The following RNLS variants were observed in gnomAD, a reference collection of about 807,000 sequenced individuals.
The protein encoded by RNLS is renalase.
Under a neutral mutation model 39.8 loss-of-function variants are expected in RNLS, and 39 were observed. The ratio of observed to expected loss-of-function variants is 0.98; its 90% CI spans 0.76 to 1.28. RNLS has a LOEUF of 1.28. RNLS is among the 50% of genes most tolerant of loss of function. The probability of loss-of-function intolerance (pLI) is 0.00; values close to 1 mark genes in which losing one functional copy is unlikely to be tolerated. For missense variants in RNLS, 410 were observed against 413.3 expected, an observed-to-expected ratio of 0.99 and a Z score of 0.07; for synonymous variants, 147 against 150.7, an observed-to-expected ratio of 0.98 and a Z score of 0.18.
In RNLS at chr10:88,373,374, T is replaced by C. The variant is rs568338127; in HGVS notation, c.527-10649A>G. On this transcript the variant is annotated intron_variant, in intron 4 of 6. Coordinates refer to ENST00000331772, the MANE Select transcript of RNLS (RefSeq NM_001031709.3). ...TTCATTTTGTACTTTGCAGATCCAC[T>C]AGCTTCTTTTCTGTTTACATAATAA... Among the ~76,000 whole-genome samples, 11 of 152,226 alleles carry C rather than the reference T, an allele frequency of 7.2e-5. No individual in the cohort carries two copies. The South Asian group carries it at 2.3e-3, about 32-fold the overall frequency.
At chr10:88,431,362 T>G (rs1398122392) in intron 4 of RNLS, among the ~76,000 whole-genome samples, 1 of 151,748 alleles carries the variant, frequency 6.6e-6, no homozygotes, top group African/African-American at 2.4e-5. Context: ...TTGTGTCTCT[T>G]ATTTTCATGA....
At chr10:88,387,502 C>CAAA (rs5786817) in intron 4 of RNLS, among the ~76,000 whole-genome samples, 20 of 70,102 alleles carry the variant, frequency 2.9e-4, no homozygotes, top group East Asian at 4.1e-4. Flanking sequence ...GAGAACAGAG[C>CAAA]AAAAAAAAAA....
intron 4 of RNLS, among the ~76,000 whole-genome samples, chr10:88,449,007 G>A (rs543584566): frequency 2.0e-5 from 3 of 152,258 alleles, no homozygotes; most frequent in Non-Finnish European, 2.9e-5. Flanking sequence ...TGTGCAGTGC[G>A]GGGAGGGAGA....
chr10:88,293,124 C>T (rs1038470986), intron 6 of RNLS, among the ~76,000 whole-genome samples: 2 of 152,028 alleles, frequency 1.3e-5, no homozygotes, highest in Non-Finnish European at 2.9e-5. Flanking sequence ...TTAAATTGTT[C>T]CTGAATTCAG....
chr10:88,483,556 G>A (rs190288621), intron 4 of RNLS, among the ~76,000 whole-genome samples: 21 of 152,160 alleles, frequency 1.4e-4, no homozygotes, highest in African/African-American at 4.6e-4. Context: ...GTCATATGAT[G>A]TATGTCATAG....
At chr10:88,428,823 T>C (rs1418020950) in intron 4 of RNLS, among the ~76,000 whole-genome samples, 2 of 152,082 alleles carry the variant, frequency 1.3e-5, no homozygotes, top group East Asian at 3.9e-4. Context: ...ACTTTGGGAA[T>C]TATATTAATT....
At chr10:88,377,927 C>T (rs572012093) in intron 4 of RNLS, among the ~76,000 whole-genome samples, 4 of 151,726 alleles carry the variant, frequency 2.6e-5, no homozygotes, top group East Asian at 1.9e-4. Context: ...CATAGCTGTA[C>T]GAAAATATTT....
intron 5 of RNLS, among the ~76,000 whole-genome samples, chr10:88,329,280 TG>T (rs776974510): frequency 2.6e-5 from 4 of 152,002 alleles, no homozygotes; most frequent in Non-Finnish European, 5.9e-5. Flanking sequence ...CTTGAACTCC[TG>T]GCCTCAAACG....
At chr10:88,290,806 G>A (rs1843619356) in intron 6 of RNLS, among the ~76,000 whole-genome samples, 1 of 152,110 alleles carries the variant, frequency 6.6e-6, no homozygotes, top group Admixed American at 6.6e-5. Context: ...CTGGCAATGT[G>A]GCATTTCTTA....
At chr10:88,343,274 G>C (rs1231391269) in intron 5 of RNLS, among the ~76,000 whole-genome samples, 2 of 151,666 alleles carry the variant, frequency 1.3e-5, no homozygotes, top group Non-Finnish European at 3.0e-5. Context: ...TGACGATGAA[G>C]AGAAGTGAAT....
chr10:88,272,963 T>A (rs1296914868), downstream of RNLS, among the ~76,000 whole-genome samples: 1 of 152,130 alleles, frequency 6.6e-6, no homozygotes, highest in Non-Finnish European at 1.5e-5. Context: ...TAGATAGGGT[T>A]CATGGCCCAG....
chr10:88,403,350 A>T (rs891087074), intron 4 of RNLS, among the ~76,000 whole-genome samples: 4 of 152,086 alleles, frequency 2.6e-5, no homozygotes, highest in Non-Finnish European at 5.9e-5. Flanking sequence ...ATTTGATGAT[A>T]TTAATTTTGT....
At chr10:88,433,466 G>A (rs991429031) in intron 4 of RNLS, among the ~76,000 whole-genome samples, 13 of 151,730 alleles carry the variant, frequency 8.6e-5, no homozygotes, top group African/African-American at 2.2e-4. Context: ...TCTTCCTATC[G>A]AATTATCATA....
intron 4 of RNLS, among the ~76,000 whole-genome samples, chr10:88,474,148 G>A (rs1308169764): frequency 6.6e-6 from 1 of 152,030 alleles, no homozygotes; most frequent in Non-Finnish European, 1.5e-5. Context: ...AATTGTGGGA[G>A]CAAATCAAAT....
At chr10:88,482,012 C>A (rs1252646912) in intron 4 of RNLS, among the ~76,000 whole-genome samples, 6 of 151,946 alleles carry the variant, frequency 3.9e-5, no homozygotes, top group Admixed American at 3.9e-4. Context: ...AATGAGAAAT[C>A]AGTCATTAAT....
the RNLS span, among the ~76,000 whole-genome samples, chr10:88,225,247 G>A: frequency 1.3e-5 from 2 of 152,172 alleles, no homozygotes; most frequent in African/African-American, 2.4e-5. Flanking sequence ...TCAGCTTAGT[G>A]TTTTACGCTT....
At chr10:88,206,344 G>T in the RNLS span, among the ~76,000 whole-genome samples, 1 of 152,088 alleles carries the variant, frequency 6.6e-6, no homozygotes. Flanking sequence ...TGCCAGAGGG[G>T]CTAAGAACAC....
At chr10:88,575,124 GTATATATA>G (rs1174268534) in intron 3 of RNLS, among the ~76,000 whole-genome samples, 15,847 of 98,600 alleles carry the variant, frequency 0.16, 1,469 homozygotes, top group South Asian at 0.22. Context: ...GTTCTGCAAA[GTATATATA>G]TATATATATA....
At chr10:88,524,841 C>T (rs535753368) in intron 4 of RNLS, among the ~76,000 whole-genome samples, 13 of 150,874 alleles carry the variant, frequency 8.6e-5, no homozygotes, top group African/African-American at 2.7e-4. Context: ...TACTAAAACT[C>T]CTTGCCTTAA....
Sources: gnomAD v4.1 joint callset for allele counts (sites outside exome capture counted in the v4.1 genomes callset) on GRCh38, gnomAD v4.1.1 for gene constraint, MANE v1.5 for transcripts, NCBI Gene and HGNC (gene_info 2026-07-23, HGNC 2026-07-21) for gene names.